The following ITFG2 variants were observed in gnomAD, a reference collection of about 807,000 sequenced individuals.
ITFG2 encodes the protein KICSTOR complex protein ITFG2.
ITFG2 carries 36 observed loss-of-function variants against 54.4 expected under a neutral mutation model. The ratio of observed to expected loss-of-function variants is 0.66; its 90% CI spans 0.51 to 0.87. The LOEUF is 0.87. ITFG2 is among the 40% of genes least tolerant of loss of function. The pLI is 0.00. For missense variants in ITFG2, 524 were observed against 576.7 expected, an observed-to-expected ratio of 0.91 and a Z score of 0.94; for synonymous variants, 211 against 225.4, an observed-to-expected ratio of 0.94 and a Z score of 0.57.
chr12:2,830,606 TC>T, intron 2 of ITFG2: 1 of 1,238,700 alleles, frequency 8.1e-7, no homozygotes, highest in East Asian at 2.7e-5. Context: ...GTGCCCTTTC[TC>T]CCTCCCTCCC....
At chr12:2,839,300 C>A (rs374306027) in intron 1 of ITFG2, among the ~76,000 whole-genome samples, 3 of 151,970 alleles carry the variant, frequency 2.0e-5, no homozygotes, top group Non-Finnish European at 4.4e-5. Flanking sequence ...CAAAAAAAAA[C>A]CAAATAATTA....
intron 1 of ITFG2, among the ~76,000 whole-genome samples, chr12:2,839,457 C>G (rs1223795070): frequency 6.6e-6 from 1 of 152,200 alleles, no homozygotes; most frequent in East Asian, 1.9e-4. Flanking sequence ...TGGAAAATGT[C>G]TGTTATTCTC....
In ITFG2 at chr12:2,818,277, G is replaced by T. The variant is rs534541245; in HGVS notation, c.406G>T (p.Asp136Tyr). 1 of 1,612,162 alleles carries T rather than the reference G, an allele frequency of 6.2e-7. No individual in the cohort carries two copies. The highest frequency in any genetic ancestry group is 8.5e-7 in the Non-Finnish European group (1 of 1,180,006). The change falls in exon 4 of 12, where the codon GAT becomes TAT. Residue 136 changes from aspartate to tyrosine, a missense_variant and splice_region_variant. Physicochemically the swap from Asp to Tyr is radical, Grantham distance 160. Transcript: ENST00000228799. ...CAAGGTCATGCTGATCAGCGACATC[G>T]GTGGGCATGCCTACCTTTGCAGGCA... ...NTKVMLISDI[D>Y]GDGCRELVVG...
downstream of ITFG2, among the ~76,000 whole-genome samples, chr12:2,828,577 C>T (rs1273283396): frequency 6.6e-6 from 1 of 152,154 alleles, no homozygotes; most frequent in East Asian, 1.9e-4. Flanking sequence ...CGGTAGCTCA[C>T]GCCTGTAATC....
chr12:2,819,778 G>A (rs1352599446), intron 4 of ITFG2: 3 of 231,676 alleles, frequency 1.3e-5, no homozygotes, highest in Non-Finnish European at 2.5e-5. Flanking sequence ...AAAGTGGCAA[G>A]CAAGGGAACC....
chr12:2,813,619 T>C (rs2153922966), intron 1 of ITFG2, among the ~76,000 whole-genome samples: 1 of 152,288 alleles, frequency 6.6e-6, no homozygotes, highest in Admixed American at 6.5e-5. Context: ...CTGATGCTCT[T>C]TTTTTTGCAG....
rs755538213 is a variant in ITFG2 at position 2,820,085 on chromosome 12, G to A, written c.407-1G>A. 5 of 1,605,158 alleles carry A rather than the reference G, an allele frequency of 3.1e-6. No individual in the cohort carries two copies. In the East Asian group the frequency reaches 1.1e-4, roughly 36 times the overall value. ...GCCCATCTTGTCTTTCATGCCCACA[G>A]ATGGAGATGGGTGTCGTGAGCTGGT... On this transcript the variant is annotated splice_acceptor_variant, in intron 4 of 11. Transcript: ENST00000228799. LOFTEE classifies it high-confidence loss of function.
chr12:2,841,608 A>G (rs1462147742), intron 2 of ITFG2, among the ~76,000 whole-genome samples: 1 of 152,222 alleles, frequency 6.6e-6, no homozygotes, highest in African/African-American at 2.4e-5. Flanking sequence ...GGCCAATCTG[A>G]ACTGAGATAT....
intron 7 of ITFG2, 87 bp downstream of exon 7, chr12:2,821,446 C>A: frequency 6.4e-7 from 1 of 1,552,374 alleles, no homozygotes. Flanking sequence ...CCCCTCATTT[C>A]GAGCCCTGTC....
At chr12:2,848,604 G>A (rs1201672838) in intron 2 of ITFG2, among the ~76,000 whole-genome samples, 1 of 152,192 alleles carries the variant, frequency 6.6e-6, no homozygotes, top group Admixed American at 6.5e-5. Flanking sequence ...CCTGGGGCCT[G>A]ACTCTCCCAT....
downstream of ITFG2, chr12:2,828,466 G>T: frequency 7.3e-7 from 1 of 1,362,720 alleles, no homozygotes; most frequent in Non-Finnish European, 1.0e-6. Context: ...GAATGGGTTG[G>T]AATTGGATCC....
intron 2 of ITFG2, among the ~76,000 whole-genome samples, chr12:2,854,650 C>A (rs1184364165): frequency 6.6e-6 from 1 of 152,186 alleles, no homozygotes; most frequent in Non-Finnish European, 1.5e-5. Flanking sequence ...TTCTCTGTGT[C>A]CCCAGTGCCT....
intron 2 of ITFG2, chr12:2,849,137 T>C: frequency 7.5e-7 from 1 of 1,330,084 alleles, no homozygotes; most frequent in Non-Finnish European, 1.0e-6. Context: ...CAGAGTCCTT[T>C]TGCTACCCCA....
upstream of ITFG2, among the ~76,000 whole-genome samples, chr12:2,833,055 G>A (rs2153926378): frequency 6.6e-6 from 1 of 152,056 alleles, no homozygotes; most frequent in East Asian, 1.9e-4. Context: ...TCCCAGGGAG[G>A]GAGACGATGG....
At chr12:2,833,285 C>G (rs146279602), upstream of ITFG2, among the ~76,000 whole-genome samples, 5 of 152,062 alleles carry the variant, frequency 3.3e-5, no homozygotes, top group Non-Finnish European at 4.4e-5. Context: ...CCATTGAGAG[C>G]CGAAGAACCC....
intron 2 of ITFG2, among the ~76,000 whole-genome samples, chr12:2,841,506 A>C (rs1019883808): frequency 1.1e-4 from 16 of 152,120 alleles, no homozygotes; most frequent in African/African-American, 3.9e-4. Flanking sequence ...TGCATTTACC[A>C]CTGGGTGTCA....
chr12:2,816,084 G>A (rs1291989158), intron 1 of ITFG2, among the ~76,000 whole-genome samples: 7 of 149,660 alleles, frequency 4.7e-5, no homozygotes, highest in Non-Finnish European at 8.9e-5. Flanking sequence ...AGGCTGGAGT[G>A]CAGTGGCACG....
At chr12:2,846,036 G>A (rs751660295) in intron 2 of ITFG2, among the ~76,000 whole-genome samples, 1 of 152,144 alleles carries the variant, frequency 6.6e-6, no homozygotes, top group Non-Finnish European at 1.5e-5. Flanking sequence ...CCCCAGGCCC[G>A]GAAGGTCGCG....
In ITFG2 at chr12:2,822,915, AC is replaced by A; in HGVS notation, c.1066+9del. ...AATATCCGTGCCTTCTGTGCAGGTG[AC>A]CCCCGCCCCCATGGCCCCTTTCTAA... On this transcript the variant is annotated splice_donor_5th_base_variant and intron_variant, in intron 10 of 11. Transcript: ENST00000228799. 1 of 1,610,974 alleles carries A rather than the reference AC, an allele frequency of 6.2e-7. No homozygotes were observed. The highest frequency in any genetic ancestry group is 8.5e-7 in the Non-Finnish European group (1 of 1,177,410).
Sources: gnomAD v4.1 joint callset for allele counts (sites outside exome capture counted in the v4.1 genomes callset) on GRCh38, gnomAD v4.1.1 for gene constraint, MANE v1.5 for transcripts, NCBI Gene and HGNC (gene_info 2026-07-23, HGNC 2026-07-21) for gene names.